PRH1: variants seen among roughly 807,000 people sequenced by gnomAD.
The protein encoded by PRH1 is salivary acidic proline-rich phosphoprotein 1/2.
In PRH1, 7 loss-of-function variants were observed where a neutral mutation model predicts 7.9. The ratio of observed to expected loss-of-function variants is 0.89; its 90% CI spans 0.50 to 1.67. PRH1 has a LOEUF of 1.67. PRH1 is among the 40% of genes most tolerant of loss of function. PRH1 has a pLI of 0.00. For missense variants in PRH1, 109 were observed against 223.6 expected (o/e 0.49, Z 3.27); for synonymous variants, 45 against 80.8 (o/e 0.56, Z 2.38).
chr12:11,125,333 C>T (rs999948192), intron 1 of PRH1, among the ~76,000 whole-genome samples: 2 of 152,266 alleles, frequency 1.3e-5, no homozygotes, highest in African/African-American at 4.8e-5. Flanking sequence ...TAATTTTGTT[C>T]CACTTTCCTA....
intron 1 of PRH1, among the ~76,000 whole-genome samples, chr12:11,044,213 T>C (rs1316673605): frequency 6.6e-6 from 1 of 152,152 alleles, no homozygotes; most frequent in Non-Finnish European, 1.5e-5. Flanking sequence ...CTTCAATAAA[T>C]GGTGCTGGGA....
intron 2 of PRH1, among the ~76,000 whole-genome samples, chr12:10,940,239 C>T (rs1019014875): frequency 1.1e-4 from 17 of 152,140 alleles, no homozygotes; most frequent in Admixed American, 4.6e-4. Context: ...AACACACAAA[C>T]GCATACATTT....
chr12:10,997,929 T>C (rs1940379908), intron 1 of PRH1: 1 of 1,132,400 alleles, frequency 8.8e-7, no homozygotes, highest in South Asian at 1.7e-5. Flanking sequence ...TGATGGTGAC[T>C]CCTCTGATAT....
rs574754679 is a variant in PRH1, at chr12:10,985,167, A to T, written c.-125-11446T>A. 3.1e-4 allele frequency among the ~76,000 whole-genome samples: 47 copies of T among 152,154 alleles called. 2 individuals are homozygous for T. In the South Asian group the frequency reaches 9.7e-3, roughly 32 times the overall value. On this transcript the variant is annotated intron_variant, in intron 1 of 3. Transcript: ENST00000539853. Reference sequence around the variant, plus strand: ...TGGAAGAAATGACTTTTCTAACTGCATGTTGAGACTTATGACAACATAAGT... The same window carrying T: ...TGGAAGAAATGACTTTTCTAACTGCTTGTTGAGACTTATGACAACATAAGT...
At chr12:10,901,314 C>T (rs1591659996) in intron 2 of PRH1, among the ~76,000 whole-genome samples, 1 of 152,208 alleles carries the variant, frequency 6.6e-6, no homozygotes, top group African/African-American at 2.4e-5. Context: ...AGAGCCCCCA[C>T]TCTCCTGGAT....
intron 1 of PRH1, chr12:11,030,607 CA>C: frequency 6.2e-7 from 1 of 1,614,018 alleles, no homozygotes. Context: ...TCATTATGGA[CA>C]GAAAGTAAAC....
At chr12:10,903,953 A>T (rs921463535) in intron 2 of PRH1, among the ~76,000 whole-genome samples, 3 of 146,324 alleles carry the variant, frequency 2.1e-5, no homozygotes, top group Admixed American at 1.4e-4. Flanking sequence ...AAAAAAAAAA[A>T]ACAACTAGGA....
intron 1 of PRH1, among the ~76,000 whole-genome samples, chr12:11,088,031 G>T (rs1191835157): frequency 8.2e-6 from 1 of 122,540 alleles, no homozygotes; most frequent in Non-Finnish European, 1.9e-5. Context: ...AAAACATCGT[G>T]ATTATTTAAT....
chr12:11,033,993 G>A (rs1206537249), intron 1 of PRH1, among the ~76,000 whole-genome samples: 3 of 149,064 alleles, frequency 2.0e-5, no homozygotes, highest in African/African-American at 5.0e-5. Context: ...CGCATCTCCT[G>A]ATATAAGCAA....
intron 1 of PRH1, among the ~76,000 whole-genome samples, chr12:11,143,694 T>C (rs975604901): frequency 6.6e-6 from 1 of 152,050 alleles, no homozygotes; most frequent in African/African-American, 2.4e-5. Context: ...TATACTAATA[T>C]TAGACAAAAT....
intron 2 of PRH1, among the ~76,000 whole-genome samples, chr12:10,961,798 C>T (rs969148640): frequency 6.6e-6 from 1 of 152,088 alleles, no homozygotes; most frequent in African/African-American, 2.4e-5. Flanking sequence ...GATACATTCT[C>T]CCTCCTCTCT....
chr12:10,929,655 C>A (rs3851582), intron 2 of PRH1, among the ~76,000 whole-genome samples: 2,299 of 152,248 alleles, frequency 0.015, 21 homozygotes, highest in South Asian at 0.031. Flanking sequence ...CTGTGAAGAT[C>A]CTATACTGAT....
At chr12:10,981,399 A>C (rs1345932798) in intron 1 of PRH1, among the ~76,000 whole-genome samples, 1 of 112,260 alleles carries the variant, frequency 8.9e-6, no homozygotes. Flanking sequence ...TTTGAGGTGG[A>C]GACTCGCTCT....
chr12:11,033,571 G>C lies in PRH1; in HGVS notation c.-126+13449C>G, dbSNP rs543182915. Among the ~76,000 whole-genome samples the C allele has an allele frequency of 4.7e-4, 72 of 152,178 alleles. 1 individual carries two copies. In the South Asian group the frequency reaches 8.9e-3, roughly 19 times the overall value. On this transcript the variant is annotated intron_variant, in intron 1 of 3. Transcript: ENST00000539853. ...CAGGAGCCGAAAGAAAAAATAGATGGGGAATGGCAAAGGTTTGTCCTGTGA... is the reference window on the plus strand; with the variant it reads ...CAGGAGCCGAAAGAAAAAATAGATGCGGAATGGCAAAGGTTTGTCCTGTGA...
chr12:11,010,798 T>C (rs1445702973), intron 1 of PRH1, among the ~76,000 whole-genome samples: 7 of 143,926 alleles, frequency 4.9e-5, no homozygotes, highest in Non-Finnish European at 1.1e-4. Flanking sequence ...CAAAAAATTA[T>C]GTTGCTTTTT....
intron 1 of PRH1, among the ~76,000 whole-genome samples, chr12:11,057,371 A>G (rs1943408415): frequency 6.6e-6 from 1 of 152,204 alleles, no homozygotes; most frequent in South Asian, 2.1e-4. Context: ...GGATCTAATC[A>G]GTTTGTAGTT....
chr12:11,128,126 A>AAAAAAAG (rs1946198867), intron 1 of PRH1, among the ~76,000 whole-genome samples: 1 of 149,690 alleles, frequency 6.7e-6, no homozygotes, highest in Non-Finnish European at 1.5e-5. Context: ...AAAAAAAAAG[A>AAAAAAAG]AAAAGAAAAA....
At chr12:10,936,620 C>G (rs1950293105) in intron 2 of PRH1, among the ~76,000 whole-genome samples, 1 of 152,156 alleles carries the variant, frequency 6.6e-6, no homozygotes, top group African/African-American at 2.4e-5. Flanking sequence ...AACCATGGAT[C>G]TGCTTTCAGT....
At chr12:11,091,519 T>A (rs769589908) in intron 1 of PRH1, 1 of 1,458,548 alleles carries the variant, frequency 6.9e-7, no homozygotes, top group Non-Finnish European at 9.5e-7. Context: ...AAATGGCACA[T>A]AACAAGAGGA....
Sources: gnomAD v4.1 joint callset for allele counts (sites outside exome capture counted in the v4.1 genomes callset) on GRCh38, gnomAD v4.1.1 for gene constraint, MANE v1.5 for transcripts, NCBI Gene and HGNC (gene_info 2026-07-23, HGNC 2026-07-21) for gene names.